Variants in KCNAB1 observed in about 807,000 individuals in gnomAD.
The protein encoded by KCNAB1 is potassium voltage-gated channel subfamily A regulatory beta subunit 1.
In KCNAB1, 35 loss-of-function variants were observed where a neutral mutation model predicts 64.6. The ratio of observed to expected loss-of-function variants is 0.54; its 90% CI spans 0.41 to 0.72. KCNAB1 has a LOEUF of 0.72. Ranked by LOEUF, KCNAB1 falls within the 30% of genes least tolerant of loss-of-function variation. The pLI, the probability that KCNAB1 is intolerant of heterozygous loss-of-function variation, is 0.00. For missense variants in KCNAB1, 401 were observed against 512.9 expected, an observed-to-expected ratio of 0.78 and a Z score of 2.11; for synonymous variants, 177 against 183.8, an observed-to-expected ratio of 0.96 and a Z score of 0.30.
chr3:156,529,936 A>C (rs1718580771), intron 12 of KCNAB1, among the ~76,000 whole-genome samples: 1 of 152,212 alleles, frequency 6.6e-6, no homozygotes, highest in South Asian at 2.1e-4. Flanking sequence ...AGTTCCAGGC[A>C]GCTAAGGACT....
chr3:156,236,001 A>G (rs1029554522), intron 1 of KCNAB1, among the ~76,000 whole-genome samples: 3 of 152,210 alleles, frequency 2.0e-5, no homozygotes, highest in African/African-American at 7.2e-5. Context: ...CCTACTGGAG[A>G]TGGTGAAAGT....
chr3:156,231,111 G>T (rs910793856), intron 1 of KCNAB1, among the ~76,000 whole-genome samples: 1 of 152,108 alleles, frequency 6.6e-6, no homozygotes, highest in African/African-American at 2.4e-5. Context: ...TCTTCAGTTT[G>T]ATTACAGCAA....
intron 1 of KCNAB1, chr3:156,273,625 G>A: frequency 2.2e-6 from 1 of 456,438 alleles, no homozygotes; most frequent in South Asian, 1.5e-5. Flanking sequence ...ATTCACCGCT[G>A]TCTTTCCTAC....
intron 13 of KCNAB1, 33 bp from the exon 14 acceptor site, chr3:156,536,625 C>A: frequency 7.0e-7 from 1 of 1,428,162 alleles, no homozygotes; most frequent in Non-Finnish European, 9.9e-7. Flanking sequence ...ACACTGCTAA[C>A]AATATCCTTT....
chr3:156,463,739 G>C lies in KCNAB1; in HGVS notation c.520G>C (p.Gly174Arg). Residue 174 changes from glycine to arginine, a missense_variant, in exon 6 of 14, where the codon GGT becomes CGT. Gly to Arg is a moderately radical substitution (Grantham distance 125). Coordinates refer to ENST00000490337, the MANE Select transcript of KCNAB1 (RefSeq NM_172160.3). ...SLVITTKLYW[G>R]GKAETERGLS... ...GGTCATAACAACCAAACTCTACTGG[G>C]GTGGAAAGTAAGTTATTTTTCCTAC... is the stretch of plus-strand genomic sequence containing the variant. 6.2e-7 allele frequency: 1 copy of C among 1,602,604 alleles called. No homozygotes were observed. Among genetic ancestry groups the C allele is most frequent in the East Asian group, 2.2e-5 (1 of 44,524 alleles).
In KCNAB1 at chr3:156,472,508, T is replaced by G. The variant is rs550155635; in HGVS notation, c.572-2226T>G. ...ATTACAAGACTTTACGTGATTGAGATTTTTAAAGTGAGTGGATAGTGTCCT... is the reference window on the plus strand; with the variant it reads ...ATTACAAGACTTTACGTGATTGAGAGTTTTAAAGTGAGTGGATAGTGTCCT... On this transcript the variant is annotated intron_variant, in intron 7 of 13. Transcript: ENST00000490337. Among the ~76,000 whole-genome samples the G allele has an allele frequency of 6.3e-4, 96 of 152,342 alleles. 1 individual carries two copies. The highest frequency in any genetic ancestry group is 1.3e-3 in the Non-Finnish European group (87 of 68,042).
At chr3:156,316,010 A>G (rs2108015714) in intron 1 of KCNAB1, among the ~76,000 whole-genome samples, 1 of 152,378 alleles carries the variant, frequency 6.6e-6, no homozygotes, top group Middle Eastern at 3.4e-3. Flanking sequence ...ACACATATAC[A>G]TAAATATATA....
intron 1 of KCNAB1, among the ~76,000 whole-genome samples, chr3:156,135,906 G>C (rs4299438): frequency 2.0e-5 from 3 of 152,192 alleles, no homozygotes; most frequent in Non-Finnish European, 4.4e-5. Flanking sequence ...GAGTGATGGA[G>C]GTATTTCTTG....
At chr3:156,260,923 T>A (rs748859708) in intron 1 of KCNAB1, among the ~76,000 whole-genome samples, 17 of 152,156 alleles carry the variant, frequency 1.1e-4, no homozygotes, top group Non-Finnish European at 2.2e-4. Context: ...AAAAAAAAAT[T>A]ATTATAGCCA....
intron 1 of KCNAB1, among the ~76,000 whole-genome samples, chr3:156,325,800 AAAAAT>A (rs1335389905): frequency 5.3e-5 from 8 of 152,246 alleles, no homozygotes; most frequent in South Asian, 2.1e-4. Flanking sequence ...CAAAATGGAA[AAAAAT>A]AAAATAAAAT....
At chr3:156,251,573 A>G (rs576161644) in intron 1 of KCNAB1, among the ~76,000 whole-genome samples, 6 of 152,176 alleles carry the variant, frequency 3.9e-5, no homozygotes, top group African/African-American at 1.4e-4. Context: ...AGCTGATGGC[A>G]TTTGCTCATT....
At chr3:156,218,732 C>T (rs967727177) in intron 1 of KCNAB1, among the ~76,000 whole-genome samples, 7 of 146,224 alleles carry the variant, frequency 4.8e-5, no homozygotes, top group Non-Finnish European at 1.0e-4. Flanking sequence ...GCAGACACTC[C>T]GCAGTACCAG....
intron 1 of KCNAB1, among the ~76,000 whole-genome samples, chr3:156,264,975 G>GAAACACTC (rs1718618096): frequency 6.6e-6 from 1 of 152,076 alleles, no homozygotes; most frequent in African/African-American, 2.4e-5. Context: ...TTTTTAATGA[G>GAAACACTC]AAACACTCAA....
intron 1 of KCNAB1, among the ~76,000 whole-genome samples, chr3:156,180,786 A>C (rs955147532): frequency 6.6e-6 from 1 of 152,202 alleles, no homozygotes; most frequent in African/African-American, 2.4e-5. Context: ...GCAGAGTGTC[A>C]TGCAGGTCTC....
chr3:156,231,186 C>T (rs1236054278), intron 1 of KCNAB1, among the ~76,000 whole-genome samples: 1 of 152,106 alleles, frequency 6.6e-6, no homozygotes, highest in Non-Finnish European at 1.5e-5. Flanking sequence ...CATATGATTA[C>T]TTTTCTTTTC....
intron 8 of KCNAB1, among the ~76,000 whole-genome samples, chr3:156,489,530 G>C (rs189642819): frequency 2.0e-4 from 30 of 152,192 alleles, no homozygotes; most frequent in Non-Finnish European, 4.4e-4. Context: ...AAGTAAGAAG[G>C]GAGTGGGTGA....
intron 2 of KCNAB1, among the ~76,000 whole-genome samples, chr3:156,428,195 CTCCCTA>C (rs1303033930): frequency 1.3e-5 from 2 of 152,166 alleles, no homozygotes; most frequent in East Asian, 3.9e-4. Flanking sequence ...GCCGATTGCC[CTCCCTA>C]ATGTGGGTAG....
rs555864229 is a variant in KCNAB1 at position 156,138,884 on chromosome 3, T to C, written c.275+17998T>C. Among the ~76,000 whole-genome samples, 12 of 152,276 alleles carry C rather than the reference T, an allele frequency of 7.9e-5. No homozygotes were observed. In the East Asian group the frequency reaches 1.4e-3, roughly 17 times the overall value. On this transcript the variant is annotated intron_variant, in intron 1 of 13. Coordinates refer to ENST00000490337, the MANE Select transcript of KCNAB1 (RefSeq NM_172160.3). ...CACCACCCAGAGCTGCGTGAGCTTC[T>C]ATATGTGGCTTCTGTGTCCCAGGCC...
At chr3:156,251,558 A>G (rs1418102841) in intron 1 of KCNAB1, among the ~76,000 whole-genome samples, 1 of 152,142 alleles carries the variant, frequency 6.6e-6, no homozygotes, top group Non-Finnish European at 1.5e-5. Flanking sequence ...CAGGGCTCCC[A>G]GGACAGCTGA....
Sources: allele counts gnomAD v4.1 joint callset (sites outside exome capture counted in the v4.1 genomes callset), GRCh38; gene constraint gnomAD v4.1.1; transcripts MANE v1.5; gene names NCBI Gene and HGNC (gene_info 2026-07-23, HGNC 2026-07-21).